ITIH6: variants seen among roughly 807,000 people sequenced by gnomAD.
The protein encoded by ITIH6 is inter-alpha-trypsin inhibitor heavy chain H6.
ITIH6 carries 60 observed loss-of-function variants against 58.2 expected under a neutral mutation model. The observed-to-expected ratio is 1.03, with a 90% CI of 0.84 to 1.28. The LOEUF is 1.28. Ranked by LOEUF, ITIH6 falls within the 50% of genes most tolerant of loss-of-function variation. The pLI, the probability that ITIH6 is intolerant of heterozygous loss-of-function variation, is 0.00. For missense variants in ITIH6, 1,290 were observed against 1,021.1 expected, an observed-to-expected ratio of 1.26 and a Z score of -3.59; for synonymous variants, 493 against 417.4, an observed-to-expected ratio of 1.18 and a Z score of -2.21.
chrX:54,759,005 G>T lies in ITIH6; in HGVS notation c.1076-7C>A. 2 of 1,123,435 alleles carry T rather than the reference G, an allele frequency of 1.8e-6. No individual in the cohort carries two copies. Among genetic ancestry groups the T allele is most frequent in the East Asian group, 3.2e-5 (1 of 31,501 alleles). The allele number at this position is 1,123,435 out of a possible 1,213,427, so 92.6% of individuals were successfully genotyped here. On this transcript the variant is annotated splice_region_variant and splice_polypyrimidine_tract_variant and intron_variant, in intron 7 of 12. Coordinates refer to ENST00000218436, the MANE Select transcript of ITIH6 (RefSeq NM_198510.3). ...GCTGAGTTGACGTCTGTCCCTAATTGGGGAATAGATTGTGAGACCATCTTC... is the reference window on the plus strand; with the variant it reads ...GCTGAGTTGACGTCTGTCCCTAATTTGGGAATAGATTGTGAGACCATCTTC...
At chrX:54,760,741 T>C (rs1928621129) in intron 6 of ITIH6, among the ~76,000 whole-genome samples, 1 of 111,420 alleles carries the variant, frequency 9.0e-6, no homozygotes. Context: ...TCCAGCTTCA[T>C]CCATGTCCCT....
chrX:54,772,587 T>C (rs1471606053), intron 6 of ITIH6, among the ~76,000 whole-genome samples: 1 of 112,594 alleles, frequency 8.9e-6, no homozygotes, highest in East Asian at 2.8e-4. Flanking sequence ...GCTGTGATGT[T>C]TGTTTACTCT....
chrX:54,791,804 T>G (rs1003369230), intron 3 of ITIH6, 122 bp downstream of exon 3: 7 of 425,577 alleles, frequency 1.6e-5, no homozygotes, highest in Non-Finnish European at 2.9e-5. Flanking sequence ...CATGATCCTG[T>G]GAAGTAGAGG....
chrX:54,751,445 C>T, intron 11 of ITIH6, 65 bp from the exon 12 acceptor site: 2 of 1,130,376 alleles, frequency 1.8e-6, no homozygotes. Flanking sequence ...TGGTCACCCA[C>T]AGCATGGGCA....
chrX:54,779,774 C>A (rs1185258578), intron 5 of ITIH6, among the ~76,000 whole-genome samples: 2 of 110,301 alleles, frequency 1.8e-5, no homozygotes, highest in African/African-American at 6.6e-5. Flanking sequence ...AAAATAAGAC[C>A]CACTGATCTG....
At chrX:54,785,226 G>C (rs972427369) in intron 5 of ITIH6, among the ~76,000 whole-genome samples, 1 of 109,548 alleles carries the variant, frequency 9.1e-6, no homozygotes, top group Non-Finnish European at 1.9e-5. Context: ...GCGGGGAGAT[G>C]GGGGGTGGGG....
intron 4 of ITIH6, 92 bp downstream of exon 4, chrX:54,790,745 A>T: frequency 4.6e-6 from 5 of 1,076,859 alleles, no homozygotes; most frequent in Non-Finnish European, 6.4e-6. Flanking sequence ...TACAGAGCAG[A>T]AGTGGCACTA....
chrX:54,755,180 G>A lies in ITIH6; in HGVS notation c.3110-71C>T, dbSNP rs772472316. 4.2e-5 allele frequency: 40 copies of A among 954,481 alleles called. No homozygotes were observed. The African/African-American group carries it at 7.1e-4, about 17-fold the overall frequency. 78.7% of individuals were successfully genotyped at this position (954,481 alleles called of 1,213,427 possible). Reference sequence around the variant, plus strand: ...CAAAGTCTCAAAATCTTTCTGACAAGGAGAGCCCTCACTGGCTCTGCAGGT... The same window carrying A: ...CAAAGTCTCAAAATCTTTCTGACAAAGAGAGCCCTCACTGGCTCTGCAGGT... On this transcript the variant is annotated intron_variant, in intron 8 of 12. Coordinates refer to ENST00000218436, the MANE Select transcript of ITIH6 (RefSeq NM_198510.3).
intron 8 of ITIH6, among the ~76,000 whole-genome samples, chrX:54,756,626 TC>T (rs755746094): frequency 6.3e-5 from 7 of 111,699 alleles, no homozygotes; most frequent in Non-Finnish European, 1.3e-4. Context: ...AATGATGCAT[TC>T]CTCCCCTGCT....
intron 2 of ITIH6, among the ~76,000 whole-genome samples, chrX:54,793,130 T>TC (rs1929378397): frequency 9.0e-6 from 1 of 110,627 alleles, no homozygotes; most frequent in African/African-American, 3.3e-5. Context: ...ATCCAATTTC[T>TC]TTTTTTTTAA....
intron 6 of ITIH6, 72 bp from the exon 7 acceptor site, chrX:54,759,999 C>T (rs1159786035): frequency 2.4e-6 from 2 of 842,434 alleles, no homozygotes; most frequent in African/African-American, 4.1e-5. Context: ...GCTTTTTCTA[C>T]ACAAGGCATT....
chrX:54,769,984 G>T lies in ITIH6; in HGVS notation c.903+4097C>A, dbSNP rs1357875051. Among the ~76,000 whole-genome samples the T allele has an allele frequency of 4.5e-5, 5 of 110,283 alleles. No individual in the cohort carries two copies. The South Asian group carries it at 1.6e-3, about 35-fold the overall frequency. On this transcript the variant is annotated intron_variant, in intron 6 of 12. Coordinates refer to ENST00000218436, the MANE Select transcript of ITIH6 (RefSeq NM_198510.3). ...CGGGCGCCCCTCCCCCAGCCTTGCT[G>T]CCGCCTTGCAGTTTGATCTCAGACT... is the stretch of plus-strand genomic sequence containing the variant.
chrX:54,768,516 G>T (rs1330312505), intron 6 of ITIH6, among the ~76,000 whole-genome samples: 1 of 97,647 alleles, frequency 1.0e-5, no homozygotes. Context: ...GCATGATTTT[G>T]CAGCGGCTGG....
At position 54,751,216 on chromosome X, in the gene ITIH6, G is replaced by A. The variant is rs778983565; in HGVS notation, c.3517C>T (p.Arg1173Cys). ...SISLRGEGTL[R>C]LSWDQPALLK... ...AGGGCAGGTTGGTCCCAGGACAGGC[G>A]CAAGGTACCCTCGCCTCGCAAAGAT... The change falls in exon 12 of 13, where the codon CGC (arginine) becomes TGC (cysteine). Residue 1173 changes from arginine (R) to cysteine (C), a missense_variant. Coordinates refer to ENST00000218436, the MANE Select transcript of ITIH6 (RefSeq NM_198510.3). 1.6e-5 allele frequency: 19 copies of A among 1,210,228 alleles called. No homozygotes were observed. The highest frequency in any genetic ancestry group is 1.3e-4 in the Admixed American group (6 of 45,858).
chrX:54,758,997 C>A lies in ITIH6; in HGVS notation c.1077G>T (p.Trp359Cys). Residue 359 changes from tryptophan (W) to cysteine (C), a missense_variant and splice_region_variant, in exon 8 of 13, where the codon TGG (tryptophan) becomes TGT (cysteine). Trp to Cys is a radical substitution (Grantham distance 215, BLOSUM62 -2). Transcript: ENST00000218436. Reference sequence around the variant, plus strand: ...CCAGCAGAGCTGAGTTGACGTCTGTCCCTAATTGGGGAATAGATTGTGAGA... The same window carrying A: ...CCAGCAGAGCTGAGTTGACGTCTGTACCTAATTGGGGAATAGATTGTGAGA... ...DYLHCMEADG[W>C]TDVNSALLAA... The A allele has an allele frequency of 8.8e-7, 1 of 1,141,730 alleles. No homozygotes were observed. The highest frequency in any genetic ancestry group is 2.1e-5 in the South Asian group (1 of 48,089). 94.1% of individuals were successfully genotyped at this position (1,141,730 alleles called of 1,213,427 possible). A position where few individuals can be genotyped will look rare whatever the true frequency, so the allele number is the denominator to read the frequency against.
chrX:54,770,100 G>A (rs988456439), intron 6 of ITIH6, among the ~76,000 whole-genome samples: 3 of 112,384 alleles, frequency 2.7e-5, no homozygotes, highest in African/African-American at 9.7e-5. Context: ...TTTTTAAGCC[G>A]GTCTGAAAAG....
In ITIH6 at chrX:54,749,774, G is replaced by C. The variant is rs1047637385; in HGVS notation, c.*121C>G. 2.0e-6 allele frequency: 1 copy of C among 510,689 alleles called. No homozygotes were observed. Among genetic ancestry groups the C allele is most frequent in the Non-Finnish European group, 3.3e-6 (1 of 305,690 alleles). The allele number at this position is 510,689 out of a possible 1,213,427, so 42.1% of individuals were successfully genotyped here. The stretch of plus-strand genomic sequence containing the variant: ...TGTATATGTGTTCCTTAGAACATGC[G>C]TGAGTCTGTGTGTCCCTGTGTGTGC... On this transcript the variant is annotated 3_prime_UTR_variant, in exon 13 of 13. Coordinates refer to ENST00000218436, the MANE Select transcript of ITIH6 (RefSeq NM_198510.3).
At chrX:54,768,487 C>T (rs1168661368) in intron 6 of ITIH6, among the ~76,000 whole-genome samples, 4 of 91,420 alleles carry the variant, frequency 4.4e-5, no homozygotes, top group Admixed American at 1.2e-4. Flanking sequence ...TTCCTAGTCT[C>T]GATGGTCTTT....
chrX:54,773,128 C>T (rs1222971168), intron 6 of ITIH6, among the ~76,000 whole-genome samples: 1 of 111,793 alleles, frequency 8.9e-6, no homozygotes, highest in East Asian at 2.8e-4. Context: ...TCAGCTGTAA[C>T]TTTCCGTTAT....
Sources: allele counts gnomAD v4.1 joint callset (sites outside exome capture counted in the v4.1 genomes callset), GRCh38; gene constraint gnomAD v4.1.1; transcripts MANE v1.5; gene names NCBI Gene and HGNC (gene_info 2026-07-23, HGNC 2026-07-21).